The following RNLS variants were observed in gnomAD, a reference collection of about 807,000 sequenced individuals.
RNLS encodes renalase, FAD dependent amine oxidase, also known as renalase.
A neutral mutation model predicts 39.8 loss-of-function variants in RNLS; 39 were observed. The ratio of observed to expected loss-of-function variants is 0.98; its 90% CI spans 0.76 to 1.28. The LOEUF is 1.28. RNLS is among the 50% of genes most tolerant of loss of function. RNLS has a pLI of 0.00. For missense variants in RNLS, 410 were observed against 413.3 expected (o/e 0.99, Z 0.07); for synonymous variants, 147 against 150.7 (o/e 0.98, Z 0.18).
chr10:88,420,039 TAAA>T (rs1215064705), intron 4 of RNLS, among the ~76,000 whole-genome samples: 3 of 115,658 alleles, frequency 2.6e-5, no homozygotes, highest in African/African-American at 1.1e-4. Flanking sequence ...AATAAATAAA[TAAA>T]TAAATAAATA....
intron 4 of RNLS, among the ~76,000 whole-genome samples, chr10:88,457,060 T>C (rs1344578405): frequency 6.6e-6 from 1 of 152,182 alleles, no homozygotes; most frequent in Admixed American, 6.5e-5. Flanking sequence ...CCACAAGTTT[T>C]AGGAAAAAAT....
intron 4 of RNLS, among the ~76,000 whole-genome samples, chr10:88,437,852 C>T (rs183617811): frequency 6.6e-6 from 1 of 151,992 alleles, no homozygotes; most frequent in Admixed American, 6.6e-5. Context: ...GGAGGCCGGG[C>T]GTGGTGGCTC....
intron 4 of RNLS, among the ~76,000 whole-genome samples, chr10:88,428,153 G>A (rs922916441): frequency 6.6e-6 from 1 of 151,954 alleles, no homozygotes; most frequent in African/African-American, 2.4e-5. Flanking sequence ...TTTTATTTCT[G>A]ATCATAATTT....
At chr10:88,447,253 TCTA>T (rs1371969335) in intron 4 of RNLS, among the ~76,000 whole-genome samples, 17 of 152,274 alleles carry the variant, frequency 1.1e-4, no homozygotes, top group African/African-American at 3.6e-4. Flanking sequence ...TGATTGTATA[TCTA>T]GAAAACCCCA....
intron 5 of RNLS, among the ~76,000 whole-genome samples, chr10:88,335,934 T>C (rs1017807839): frequency 1.3e-5 from 2 of 152,248 alleles, no homozygotes; most frequent in East Asian, 1.9e-4. Context: ...GGTTTGGCAA[T>C]TGGTAAGCAA....
chr10:88,442,061 C>A (rs1312739500), intron 4 of RNLS, among the ~76,000 whole-genome samples: 1 of 152,194 alleles, frequency 6.6e-6, no homozygotes, highest in Non-Finnish European at 1.5e-5. Flanking sequence ...GGGAACATTT[C>A]TTTGGAATTT....
At chr10:88,235,160 A>G in the RNLS span, among the ~76,000 whole-genome samples, 1 of 145,648 alleles carries the variant, frequency 6.9e-6, no homozygotes, top group African/African-American at 2.5e-5. Flanking sequence ...CCCAGCTACT[A>G]GGGAGGCTGA....
intron 4 of RNLS, among the ~76,000 whole-genome samples, chr10:88,424,708 A>C (rs80114573): frequency 6.6e-6 from 1 of 152,196 alleles, no homozygotes; most frequent in African/African-American, 2.4e-5. Flanking sequence ...ATGCTGACAC[A>C]TTACTCAGAT....
the RNLS span, among the ~76,000 whole-genome samples, chr10:88,260,487 G>C: frequency 1.3e-5 from 2 of 152,190 alleles, no homozygotes; most frequent in Non-Finnish European, 2.9e-5. Flanking sequence ...TGAGTGGCTA[G>C]CTAAATTGAC....
At chr10:88,484,118 A>C (rs1844357848) in intron 4 of RNLS, among the ~76,000 whole-genome samples, 1 of 152,070 alleles carries the variant, frequency 6.6e-6, no homozygotes, top group Non-Finnish European at 1.5e-5. Context: ...ATCCGAAAAC[A>C]AATTTTTGTA....
At chr10:88,319,085 TAG>T (rs1341072651) in intron 5 of RNLS, among the ~76,000 whole-genome samples, 4 of 152,030 alleles carry the variant, frequency 2.6e-5, no homozygotes, top group African/African-American at 9.7e-5. Flanking sequence ...AAGCAGTAGA[TAG>T]AGTGTTAGCT....
intron 4 of RNLS, among the ~76,000 whole-genome samples, chr10:88,479,125 C>A (rs74147208): frequency 6.6e-6 from 1 of 152,150 alleles, no homozygotes; most frequent in Non-Finnish European, 1.5e-5. Context: ...ATGTTTCAGT[C>A]TTGTTTCTTC....
intron 4 of RNLS, among the ~76,000 whole-genome samples, chr10:88,526,992 A>C (rs1050391936): frequency 6.6e-6 from 1 of 151,950 alleles, no homozygotes; most frequent in Non-Finnish European, 1.5e-5. Context: ...AGGGCAGTTA[A>C]GTACTTGGGT....
At chr10:88,412,262 C>A (rs1853706681) in intron 4 of RNLS, among the ~76,000 whole-genome samples, 1 of 151,900 alleles carries the variant, frequency 6.6e-6, no homozygotes, top group Non-Finnish European at 1.5e-5. Context: ...TTACGTGGAT[C>A]CTATTATTTT....
At chr10:88,511,043 C>A in intron 4 of RNLS, among the ~76,000 whole-genome samples, 1 of 149,426 alleles carries the variant, frequency 6.7e-6, no homozygotes, top group Non-Finnish European at 1.5e-5. Context: ...AACCAAAAAC[C>A]TGAGGTTTTG....
At chr10:88,387,524 A>AT (rs1851943118) in intron 4 of RNLS, among the ~76,000 whole-genome samples, 1 of 137,554 alleles carries the variant, frequency 7.3e-6, no homozygotes, top group Non-Finnish European at 1.6e-5. Context: ...AAAAAAAAAA[A>AT]GGAAGATTAT....
At chr10:88,450,009 G>A (rs1423782400) in intron 4 of RNLS, among the ~76,000 whole-genome samples, 4 of 151,424 alleles carry the variant, frequency 2.6e-5, no homozygotes, top group Non-Finnish European at 5.9e-5. Flanking sequence ...AGGAGCTCTT[G>A]ATTTGTAAGA....
chr10:88,410,671 G>A (rs1391226616), intron 4 of RNLS, among the ~76,000 whole-genome samples: 3 of 152,110 alleles, frequency 2.0e-5, no homozygotes, highest in Non-Finnish European at 1.5e-5. Flanking sequence ...AGAGATATTA[G>A]TGTAGATCTC....
chr10:88,516,914 C>T lies in RNLS; in HGVS notation c.526+55989G>A, dbSNP rs1270360737. ...CTTTGACAAACTGTTCATTTTCCTTCAGATTTTGGGAAATTCAATATGTCT... is the reference window on the plus strand; with the variant it reads ...CTTTGACAAACTGTTCATTTTCCTTTAGATTTTGGGAAATTCAATATGTCT... On this transcript the variant is annotated intron_variant, in intron 4 of 6. Transcript: ENST00000331772. Among the ~76,000 whole-genome samples the T allele has an allele frequency of 5.3e-5, 8 of 152,066 alleles. No individual in the cohort carries two copies. In the East Asian group the frequency reaches 1.4e-3, roughly 26 times the overall value.
Sources: allele counts gnomAD v4.1 joint callset (sites outside exome capture counted in the v4.1 genomes callset), GRCh38; gene constraint gnomAD v4.1.1; transcripts MANE v1.5; gene names NCBI Gene and HGNC (gene_info 2026-07-23, HGNC 2026-07-21).